Variants in HS2ST1 observed in about 807,000 individuals in gnomAD.
HS2ST1 encodes the protein 2-O-sulfotransferase.
A neutral mutation model predicts 42.9 loss-of-function variants in HS2ST1; 18 were observed. That is an observed-to-expected ratio of 0.42 (90% CI 0.29 to 0.62). The LOEUF is 0.62. Among genes scored for constraint, HS2ST1 ranks in the 20% least tolerant of loss-of-function variants. The pLI, the probability that HS2ST1 is intolerant of heterozygous loss-of-function variation, is 0.21. For synonymous variants in HS2ST1, 146 were observed against 152.9 expected, an observed-to-expected ratio of 0.95 and a Z score of 0.33; for missense variants, 334 against 433.8, an observed-to-expected ratio of 0.77 and a Z score of 2.04.
intron 1 of HS2ST1, chr1:86,992,977 T>G: frequency 2.4e-6 from 3 of 1,239,278 alleles, no homozygotes; most frequent in Non-Finnish European, 3.3e-6. Flanking sequence ...ACATTCTTCT[T>G]GGCGTCTGTG....
intron 1 of HS2ST1, chr1:87,064,542 T>C (rs751289634): frequency 1.9e-6 from 1 of 517,994 alleles, no homozygotes; most frequent in South Asian, 1.4e-5. Context: ...GCATCCCTGT[T>C]GACTATCTGG....
rs773295027 is a variant in HS2ST1, at chr1:87,109,842, G to A, written c.*5146G>A. 2 of 152,066 alleles carry A rather than the reference G, an allele frequency of 1.3e-5. No individual in the cohort carries two copies. The highest frequency in any genetic ancestry group is 2.9e-5 in the Non-Finnish European group (2 of 67,948). The allele number at this position is 152,066 out of a possible 1,614,324, so 9.4% of individuals were successfully genotyped here. On this transcript the variant is annotated 3_prime_UTR_variant, in exon 7 of 7. Coordinates refer to ENST00000370550, the MANE Select transcript of HS2ST1 (RefSeq NM_012262.4). ...GATTGTTGTAAAGGTTGGGCATGAT[G>A]TATGCAAAGTACTGGCCAGGGTAGA...
chr1:86,914,820 G>A lies in HS2ST1; in HGVS notation c.-217G>A, dbSNP rs1660102965. ...GGCTTTTGGAGGGGGCGGCCGTTTAGTCGGCTGAGGAGAAGCGGACACCAG... is the reference window on the plus strand; with the variant it reads ...GGCTTTTGGAGGGGGCGGCCGTTTAATCGGCTGAGGAGAAGCGGACACCAG... On this transcript the variant is annotated 5_prime_UTR_variant, in exon 1 of 7. Transcript: ENST00000370550. 2 of 584,596 alleles carry A rather than the reference G, an allele frequency of 3.4e-6. No homozygotes were observed. The highest frequency in any genetic ancestry group is 6.4e-5 in the Admixed American group (2 of 31,050). 36.2% of individuals were successfully genotyped at this position (584,596 alleles called of 1,614,324 possible).
intron 1 of HS2ST1, among the ~76,000 whole-genome samples, chr1:86,927,512 G>T (rs1660447916): frequency 6.6e-6 from 1 of 152,136 alleles, no homozygotes; most frequent in Non-Finnish European, 1.5e-5. Context: ...CTAAATTCCA[G>T]CACAAGTTAG....
chr1:86,932,611 C>T (rs1268080565), intron 1 of HS2ST1: 1 of 151,990 alleles, frequency 6.6e-6, no homozygotes, highest in South Asian at 2.1e-4. Flanking sequence ...AATAGTGGTA[C>T]CTGTCTTTTT....
rs912140842 is a variant in HS2ST1 at position 87,109,266 on chromosome 1, A to G, written c.*4570A>G. Reference sequence around the variant, plus strand: ...CAAGCTGACTCAGTGTTCAGTGTCAACTTAACTCTCAGATAGTGTTGCCAT... The same window carrying G: ...CAAGCTGACTCAGTGTTCAGTGTCAGCTTAACTCTCAGATAGTGTTGCCAT... On this transcript the variant is annotated 3_prime_UTR_variant, in exon 7 of 7. Transcript: ENST00000370550. 10 of 152,314 alleles carry G rather than the reference A, an allele frequency of 6.6e-5. No homozygotes were observed. The highest frequency in any genetic ancestry group is 2.6e-4 in the Admixed American group (4 of 15,260). The allele number at this position is 152,314 out of a possible 1,614,324, so 9.4% of individuals were successfully genotyped here.
chr1:86,977,450 GTATTA>G (rs1207862453), intron 1 of HS2ST1, among the ~76,000 whole-genome samples: 1 of 152,160 alleles, frequency 6.6e-6, no homozygotes, highest in Non-Finnish European at 1.5e-5. Flanking sequence ...GAGATATTTT[GTATTA>G]TATTGGCTTG....
chr1:87,042,451 C>T (rs964818480), intron 1 of HS2ST1, among the ~76,000 whole-genome samples: 7 of 151,966 alleles, frequency 4.6e-5, no homozygotes, highest in African/African-American at 1.7e-4. Context: ...GTTCTGGGTC[C>T]TTTGTTTCAG....
chr1:86,987,530 A>G (rs575690486), intron 1 of HS2ST1, among the ~76,000 whole-genome samples: 16 of 151,998 alleles, frequency 1.1e-4, no homozygotes, highest in Non-Finnish European at 2.1e-4. Context: ...AGGAGGTGAT[A>G]ATAATGCTTT....
At chr1:87,077,836 C>A (rs1317846686) in intron 2 of HS2ST1, among the ~76,000 whole-genome samples, 1 of 152,100 alleles carries the variant, frequency 6.6e-6, no homozygotes, top group Non-Finnish European at 1.5e-5. Context: ...TGATTGACAG[C>A]AGTATGATCT....
chr1:87,010,050 C>A (rs567712002), intron 1 of HS2ST1, among the ~76,000 whole-genome samples: 389 of 35,368 alleles, frequency 0.011, 4 homozygotes, highest in East Asian at 0.088. Flanking sequence ...CAAAACAAAA[C>A]AAAACAAAAA....
chr1:87,053,884 C>A (rs996687415), intron 1 of HS2ST1, among the ~76,000 whole-genome samples: 1 of 124,608 alleles, frequency 8.0e-6, no homozygotes, highest in Non-Finnish European at 1.8e-5. Flanking sequence ...ATTCAAAATT[C>A]TCTTTTGATG....
intron 1 of HS2ST1, among the ~76,000 whole-genome samples, chr1:87,042,762 T>TGGATATC (rs752176974): frequency 4.6e-5 from 7 of 152,156 alleles, no homozygotes; most frequent in Non-Finnish European, 7.4e-5. Flanking sequence ...ATTTCCACAG[T>TGGATATC]CATCATTGGA....
chr1:86,989,406 G>A (rs1043224297), intron 1 of HS2ST1, among the ~76,000 whole-genome samples: 5 of 152,144 alleles, frequency 3.3e-5, no homozygotes, highest in African/African-American at 4.8e-5. Flanking sequence ...TAGTAATTTA[G>A]CCAAAAGATT....
chr1:87,080,056 GA>G (rs1044469399), intron 2 of HS2ST1, among the ~76,000 whole-genome samples: 4 of 151,684 alleles, frequency 2.6e-5, no homozygotes, highest in Non-Finnish European at 5.9e-5. Flanking sequence ...TCTCAAGAAA[GA>G]AAAAACAAAT....
At chr1:86,998,785 T>G (rs1274526316) in intron 1 of HS2ST1, among the ~76,000 whole-genome samples, 5 of 152,226 alleles carry the variant, frequency 3.3e-5, no homozygotes, top group Non-Finnish European at 7.3e-5. Context: ...TCCCAAAAAT[T>G]TAATATTAAG....
chr1:86,986,245 A>G lies in HS2ST1; in HGVS notation c.124+71085A>G, dbSNP rs1027543318. Among the ~76,000 whole-genome samples the G allele has an allele frequency of 3.9e-5, 6 of 152,176 alleles. 1 individual carries two copies. In the Middle Eastern group the frequency reaches 0.01, roughly 259 times the overall value. ...TAACTTCTTATATAAATATTTATCT[A>G]TGTAAATTTATAACAGAAAAGGCCT... On this transcript the variant is annotated intron_variant, in intron 1 of 6. Coordinates refer to ENST00000370550, the MANE Select transcript of HS2ST1 (RefSeq NM_012262.4).
In HS2ST1 at chr1:87,104,891, T is replaced by C. The variant is rs915500903; in HGVS notation, c.*195T>C. Reference sequence around the variant, plus strand: ...CAGTGTTCTAAGTTTCAGGCATTTTTATTTTTCCTGGCTAAACGTTGGTGA... The same window carrying C: ...CAGTGTTCTAAGTTTCAGGCATTTTCATTTTTCCTGGCTAAACGTTGGTGA... On this transcript the variant is annotated 3_prime_UTR_variant, in exon 7 of 7. Coordinates refer to ENST00000370550, the MANE Select transcript of HS2ST1 (RefSeq NM_012262.4). The C allele has an allele frequency of 1.8e-5, 9 of 512,640 alleles. No homozygotes were observed. Among genetic ancestry groups the C allele is most frequent in the Non-Finnish European group, 2.7e-5 (8 of 290,944 alleles). The allele number at this position is 512,640 out of a possible 1,614,324, so 31.8% of individuals were successfully genotyped here.
intron 1 of HS2ST1, among the ~76,000 whole-genome samples, chr1:86,987,835 A>T (rs1648834397): frequency 6.6e-6 from 1 of 152,240 alleles, no homozygotes; most frequent in Non-Finnish European, 1.5e-5. Context: ...CATTCAAAGA[A>T]ACCAACCATT....
Sources: allele counts gnomAD v4.1 joint callset (sites outside exome capture counted in the v4.1 genomes callset), GRCh38; gene constraint gnomAD v4.1.1; transcripts MANE v1.5; gene names NCBI Gene and HGNC (gene_info 2026-07-23, HGNC 2026-07-21).